Variants in PSMD11 observed in about 807,000 individuals in gnomAD.
PSMD11 encodes the protein proteasome 26S subunit, non-ATPase 11, also known as 26S proteasome non-ATPase regulatory subunit 11.
Under a neutral mutation model 62.3 loss-of-function variants are expected in PSMD11, and 5 were observed. That is an observed-to-expected ratio of 0.08 (90% CI 0.04 to 0.17). The LOEUF (loss-of-function observed/expected upper bound fraction) is 0.17, where lower values mean the gene tolerates loss of function less well. PSMD11 is among the 10% of genes least tolerant of loss of function. The pLI is 1.00. For synonymous variants in PSMD11, 191 were observed against 191.8 expected, an observed-to-expected ratio of 1.00 and a Z score of 0.03; for missense variants, 310 against 512.9, an observed-to-expected ratio of 0.60 and a Z score of 3.82.
intron 3 of PSMD11, among the ~76,000 whole-genome samples, chr17:32,459,438 A>C (rs542294075): frequency 6.6e-6 from 1 of 152,002 alleles, no homozygotes; most frequent in African/African-American, 2.4e-5. Context: ...GGATTTTGCT[A>C]TGTTGCTCAG....
At chr17:32,473,672 C>G (rs1225926206) in intron 6 of PSMD11, 129 bp from the exon 7 acceptor site, 1 of 865,752 alleles carries the variant, frequency 1.2e-6, no homozygotes, top group African/African-American at 1.7e-5. Context: ...ATCTCAGCCT[C>G]CCAAAGTGTG....
At chr17:32,480,302 C>G in intron 12 of PSMD11, 105 bp downstream of exon 12, 2 of 1,499,048 alleles carry the variant, frequency 1.3e-6, no homozygotes, top group East Asian at 2.3e-5. Context: ...GATGGTTCAC[C>G]CTGGGGTCCT....
intron 7 of PSMD11, 47 bp downstream of exon 7, chr17:32,473,992 A>G: frequency 6.2e-7 from 1 of 1,604,532 alleles, no homozygotes; most frequent in East Asian, 2.2e-5. Flanking sequence ...ATCCTTCAGC[A>G]AGTCTGTTTG....
At chr17:32,464,494 T>C (rs1276774343) in intron 4 of PSMD11, 27 bp from the exon 5 acceptor site, 1 of 1,557,910 alleles carries the variant, frequency 6.4e-7, no homozygotes, top group Non-Finnish European at 8.8e-7. Context: ...TCCCCCCCCT[T>C]CAATCAATGC....
chr17:32,479,763 C>G lies in PSMD11; in HGVS notation c.1039-88C>G, dbSNP rs1167795516. 2.1e-6 allele frequency: 3 copies of G among 1,449,170 alleles called. No homozygotes were observed. In the African/African-American group the frequency reaches 4.2e-5, roughly 20 times the overall value. 89.8% of individuals were successfully genotyped at this position (1,449,170 alleles called of 1,614,324 possible). A position where few individuals can be genotyped will look rare whatever the true frequency, so the allele number is the denominator to read the frequency against. On this transcript the variant is annotated intron_variant, in intron 10 of 13. Transcript: ENST00000261712. Reference sequence around the variant, plus strand: ...TCTTACATTAGAATTTTGAGAAATACAGCAGTTCTCCCCCTGTTCCCTCCC... The same window carrying G: ...TCTTACATTAGAATTTTGAGAAATAGAGCAGTTCTCCCCCTGTTCCCTCCC...
intron 5 of PSMD11, among the ~76,000 whole-genome samples, chr17:32,466,127 C>T (rs1186852861): frequency 6.6e-6 from 1 of 152,140 alleles, no homozygotes; most frequent in South Asian, 2.1e-4. Context: ...TCCCGAATAG[C>T]AGAGATTACA....
At chr17:32,479,161 A>G (rs1384035554) in intron 9 of PSMD11, 90 bp from the exon 10 acceptor site, 11 of 1,499,848 alleles carry the variant, frequency 7.3e-6, no homozygotes, top group Non-Finnish European at 9.9e-6. Context: ...ATGTAGTTTT[A>G]TAAGGGCCAG....
At chr17:32,459,896 G>C (rs111846377) in intron 3 of PSMD11, among the ~76,000 whole-genome samples, 4 of 152,276 alleles carry the variant, frequency 2.6e-5, no homozygotes, top group African/African-American at 9.6e-5. Context: ...CAAAGTGCCT[G>C]GTTTATAGGT....
chr17:32,479,919 A>G (rs1433022977), intron 11 of PSMD11, 33 bp downstream of exon 11: 4 of 1,606,098 alleles, frequency 2.5e-6, no homozygotes, highest in Non-Finnish European at 2.6e-6. Context: ...GCAGGGAGGA[A>G]TGGGACGGGG....
chr17:32,456,385 T>TA (rs1907650499), intron 3 of PSMD11, among the ~76,000 whole-genome samples: 1 of 152,024 alleles, frequency 6.6e-6, no homozygotes, highest in African/African-American at 2.4e-5. Flanking sequence ...TATTTTTTTT[T>TA]ATTGGTGACA....
At chr17:32,448,591 T>A (rs1479731490) in intron 2 of PSMD11, among the ~76,000 whole-genome samples, 1 of 152,072 alleles carries the variant, frequency 6.6e-6, no homozygotes, top group Non-Finnish European at 1.5e-5. Context: ...CAGGCTGGTC[T>A]TGAACTCCTG....
intron 2 of PSMD11, among the ~76,000 whole-genome samples, chr17:32,450,491 TC>T (rs1302426682): frequency 6.7e-6 from 1 of 150,182 alleles, no homozygotes; most frequent in Non-Finnish European, 1.5e-5. Context: ...GGTCTTGGAC[TC>T]CTGACCTCAG....
chr17:32,454,732 C>T (rs747902980), intron 3 of PSMD11, 113 bp downstream of exon 3: 48 of 1,139,066 alleles, frequency 4.2e-5, no homozygotes, highest in South Asian at 4.6e-5. Context: ...GGGAGGACAG[C>T]GCAGGACTTA....
intron 3 of PSMD11, among the ~76,000 whole-genome samples, chr17:32,456,829 C>G (rs911087306): frequency 2.0e-5 from 3 of 152,118 alleles, no homozygotes; most frequent in African/African-American, 7.2e-5. Flanking sequence ...CCGTGCCTGG[C>G]CCTAATTTTG....
intron 8 of PSMD11, among the ~76,000 whole-genome samples, chr17:32,476,033 G>C (rs533250056): frequency 5.3e-5 from 8 of 152,030 alleles, no homozygotes; most frequent in Non-Finnish European, 1.0e-4. Context: ...GGCGGCTGAG[G>C]TGGGCGGATC....
intron 2 of PSMD11, among the ~76,000 whole-genome samples, chr17:32,448,113 T>C (rs1907384182): frequency 6.6e-6 from 1 of 151,962 alleles, no homozygotes. Context: ...ACTCCTGACC[T>C]CATGGTCCAC....
intron 7 of PSMD11, 130 bp from the exon 8 acceptor site, chr17:32,474,634 G>T: frequency 1.2e-6 from 1 of 846,490 alleles, no homozygotes; most frequent in Non-Finnish European, 2.0e-6. Flanking sequence ...ATGGGTTTAG[G>T]GGTTGGGCTG....
chr17:32,444,744 G>C (rs1907273258), intron 1 of PSMD11, 130 bp downstream of exon 1: 2 of 1,156,498 alleles, frequency 1.7e-6, no homozygotes, highest in African/African-American at 1.6e-5. Flanking sequence ...GGGCCGGGCC[G>C]GGGGCGCAGG....
Position 32,475,295 on chromosome 17 carries a change from G to A in PSMD11, c.849+471G>A, listed in dbSNP as rs1458548650. On this transcript the variant is annotated intron_variant, in intron 8 of 13. Coordinates refer to ENST00000261712, the MANE Select transcript of PSMD11 (RefSeq NM_002815.4). ...TTCTCAGATCAGTACCTTTCTACTC[G>A]TGCTTTGAATTTTGGGTGTGGTGCA... Among the ~76,000 whole-genome samples the A allele has an allele frequency of 3.3e-5, 5 of 151,072 alleles. No homozygotes were observed. The East Asian group carries it at 5.8e-4, about 18-fold the overall frequency.
Sources: gnomAD v4.1 joint callset for allele counts (sites outside exome capture counted in the v4.1 genomes callset) on GRCh38, gnomAD v4.1.1 for gene constraint, MANE v1.5 for transcripts, NCBI Gene and HGNC (gene_info 2026-07-23, HGNC 2026-07-21) for gene names.